Variants in ZMIZ1 observed in about 807,000 individuals in gnomAD.
The protein encoded by ZMIZ1 is zinc finger MIZ-type containing 1, also known as zinc finger MIZ domain-containing protein 1.
Under a neutral mutation model 113.9 loss-of-function variants are expected in ZMIZ1, and 17 were observed. That is an observed-to-expected ratio of 0.15 (90% CI 0.10 to 0.22). The LOEUF (loss-of-function observed/expected upper bound fraction) is 0.22. ZMIZ1 is among the 10% of genes least tolerant of loss of function. The pLI is 1.00. For missense variants in ZMIZ1, 1,059 were observed against 1,477.8 expected (o/e 0.72, Z 4.65); for synonymous variants, 607 against 603.1 (o/e 1.01, Z -0.09).
intron 3 of ZMIZ1, among the ~76,000 whole-genome samples, chr10:79,149,683 G>A (rs1355626901): frequency 1.3e-5 from 2 of 152,218 alleles, no homozygotes; most frequent in African/African-American, 2.4e-5. Flanking sequence ...GCGTGGCCCC[G>A]TGGGGTGGCA....
At chr10:79,167,156 G>A (rs932363386) in intron 4 of ZMIZ1, among the ~76,000 whole-genome samples, 2 of 152,330 alleles carry the variant, frequency 1.3e-5, no homozygotes, top group Admixed American at 6.5e-5. Context: ...CCCTGGACAG[G>A]CCTCCTAAAT....
chr10:79,199,763 T>C (rs1326684513), intron 4 of ZMIZ1, among the ~76,000 whole-genome samples: 3 of 152,186 alleles, frequency 2.0e-5, no homozygotes, highest in African/African-American at 4.8e-5. Flanking sequence ...CTCGATATCT[T>C]TGTGGACTTT....
chr10:79,230,460 T>G (rs1849350116), intron 7 of ZMIZ1, among the ~76,000 whole-genome samples: 1 of 152,190 alleles, frequency 6.6e-6, no homozygotes, highest in South Asian at 2.1e-4. Flanking sequence ...ATTGCATACA[T>G]TCCCATTTCC....
chr10:79,077,852 A>G (rs2132171223), intron 1 of ZMIZ1, among the ~76,000 whole-genome samples: 1 of 152,330 alleles, frequency 6.6e-6, no homozygotes, highest in South Asian at 2.1e-4. Flanking sequence ...TGCTCAAGAA[A>G]AGGTAGCCCT....
At chr10:79,238,921 G>A (rs1849701419) in intron 7 of ZMIZ1, among the ~76,000 whole-genome samples, 1 of 152,218 alleles carries the variant, frequency 6.6e-6, no homozygotes, top group African/African-American at 2.4e-5. Context: ...CAGGAGAGCA[G>A]AGGCCAGGAT....
intron 4 of ZMIZ1, among the ~76,000 whole-genome samples, chr10:79,183,358 GCA>G (rs57212618): frequency 0.39 from 58,506 of 150,578 alleles, 11,386 homozygotes; most frequent in East Asian, 0.48. Flanking sequence ...TCGTGCACGC[GCA>G]CACACACACA....
chr10:79,280,064 C>T (rs1852619489), intron 8 of ZMIZ1, among the ~76,000 whole-genome samples: 1 of 151,416 alleles, frequency 6.6e-6, no homozygotes, highest in South Asian at 2.1e-4. Flanking sequence ...TCTCGGCTGA[C>T]TGCAAGCTCC....
At chr10:79,263,297 A>G (rs1329993343) in intron 7 of ZMIZ1, among the ~76,000 whole-genome samples, 1 of 152,098 alleles carries the variant, frequency 6.6e-6, no homozygotes, top group African/African-American at 2.4e-5. Context: ...TAGCCTTCTG[A>G]GTTTCTTGCA....
At chr10:79,104,187 G>T (rs1843470633) in intron 1 of ZMIZ1, among the ~76,000 whole-genome samples, 1 of 152,246 alleles carries the variant, frequency 6.6e-6, no homozygotes, top group Non-Finnish European at 1.5e-5. Context: ...GGATGGAGTA[G>T]AAGGTCTTCA....
rs778241690 is a variant in ZMIZ1, at chr10:79,305,175, G to A, written c.2298G>A (p.Leu766=). Residue 766 remains leucine (L), a synonymous_variant, in exon 20 of 25, where the codon CTG becomes CTA. Coordinates refer to ENST00000334512, the MANE Select transcript of ZMIZ1 (RefSeq NM_020338.4). ...HDCKHVQCFD[L]ESYLQLNCER... is the part of the protein sequence containing the mutation. ...CTGTCTGTCTGCAGTGCTTTGATCT[G>A]GAGTCATACCTGCAGCTGAATTGCG... is the stretch of plus-strand genomic sequence containing the variant. 1 of 1,614,182 alleles carries A rather than the reference G, an allele frequency of 6.2e-7. No individual in the cohort carries two copies. Among genetic ancestry groups the A allele is most frequent in the Non-Finnish European group, 8.5e-7 (1 of 1,180,016 alleles).
intron 7 of ZMIZ1, among the ~76,000 whole-genome samples, chr10:79,256,985 T>C (rs922345245): frequency 6.6e-6 from 1 of 152,272 alleles, no homozygotes; most frequent in Non-Finnish European, 1.5e-5. Context: ...CAGGCTTCTA[T>C]GTGAGTGCTT....
chr10:79,229,129 A>G (rs1849298679), intron 7 of ZMIZ1, among the ~76,000 whole-genome samples: 1 of 152,162 alleles, frequency 6.6e-6, no homozygotes, highest in Non-Finnish European at 1.5e-5. Context: ...TTCTGTTTCC[A>G]TGGTAACCCA....
At chr10:79,127,167 C>T (rs1452141288) in intron 2 of ZMIZ1, among the ~76,000 whole-genome samples, 1 of 152,214 alleles carries the variant, frequency 6.6e-6, no homozygotes, top group African/African-American at 2.4e-5. Context: ...GACTGATACC[C>T]TGATGCAGAG....
At chr10:79,287,948 G>T (rs1853194549) in intron 8 of ZMIZ1, among the ~76,000 whole-genome samples, 1 of 152,248 alleles carries the variant, frequency 6.6e-6, no homozygotes, top group South Asian at 2.1e-4. Flanking sequence ...AAATTCCAGT[G>T]CCAGGGTGAG....
At chr10:79,202,243 GAGAA>G (rs1276217679) in intron 5 of ZMIZ1, among the ~76,000 whole-genome samples, 10 of 144,216 alleles carry the variant, frequency 6.9e-5, no homozygotes, top group African/African-American at 2.3e-4. Context: ...AGGAAGGAGG[GAGAA>G]AGAAAGAAAA....
Position 79,296,255 on chromosome 10 carries a change from G to A in ZMIZ1, c.1231-216G>A. 1.7e-6 allele frequency: 1 copy of A among 596,650 alleles called. No homozygotes were observed. The highest frequency in any genetic ancestry group is 3.0e-6 in the Non-Finnish European group (1 of 332,312). The allele number at this position is 596,650 out of a possible 1,614,324, so 37.0% of individuals were successfully genotyped here. ...GGGCACATGTGCTCCAGGAAGAACG[G>A]CCTCAAGGGGAGGTGGCCTATGATC... is the stretch of plus-strand genomic sequence containing the variant. On this transcript the variant is annotated intron_variant, in intron 12 of 24. Coordinates refer to ENST00000334512, the MANE Select transcript of ZMIZ1 (RefSeq NM_020338.4). The surrounding 1 kb of genome is among the most constrained non-coding windows in gnomAD (Gnocchi z 4.1).
At chr10:79,201,500 T>C in intron 4 of ZMIZ1, 84 bp from the exon 5 acceptor site, 1 of 994,908 alleles carries the variant, frequency 1.0e-6, no homozygotes, top group Non-Finnish European at 1.5e-6. Context: ...CCTGCCAGTG[T>C]TGTGGCCAGA....
At chr10:79,143,835 C>T (rs1046682139) in intron 3 of ZMIZ1, among the ~76,000 whole-genome samples, 8 of 152,134 alleles carry the variant, frequency 5.3e-5, no homozygotes, top group East Asian at 1.9e-4. Context: ...GAAGGAGACT[C>T]GGGAGCACAG....
chr10:79,190,205 C>T (rs921666436), intron 4 of ZMIZ1, among the ~76,000 whole-genome samples: 6 of 152,320 alleles, frequency 3.9e-5, no homozygotes, highest in Non-Finnish European at 7.4e-5. Flanking sequence ...ACCCCCAAGG[C>T]GGCTTGGAGC....
Sources: gnomAD v4.1 joint callset for allele counts (sites outside exome capture counted in the v4.1 genomes callset) on GRCh38, gnomAD v4.1.1 for gene constraint, Gnocchi (gnomAD v3.1) non-coding constraint, MANE v1.5 for transcripts, NCBI Gene and HGNC (gene_info 2026-07-23, HGNC 2026-07-21) for gene names.